Variants in INPP5B observed in about 807,000 individuals in gnomAD.
INPP5B encodes the protein type II inositol 1,4,5-trisphosphate 5-phosphatase.
Under a neutral mutation model 118.5 loss-of-function variants are expected in INPP5B, and 90 were observed. The ratio of observed to expected loss-of-function variants is 0.76; its 90% confidence interval spans 0.64 to 0.90. INPP5B has a LOEUF of 0.90. INPP5B is among the 40% of genes least tolerant of loss of function. The probability of loss-of-function intolerance (pLI) is 0.00; values close to 1 mark genes in which losing one functional copy is unlikely to be tolerated. For missense variants in INPP5B, 984 were observed against 1,125.6 expected, an observed-to-expected ratio of 0.87 and a Z score of 1.80; for synonymous variants, 385 against 418.9, an observed-to-expected ratio of 0.92 and a Z score of 0.99.
chr1:37,880,594 C>T (rs752615130), intron 14 of INPP5B, among the ~76,000 whole-genome samples: 2 of 152,086 alleles, frequency 1.3e-5, no homozygotes, highest in African/African-American at 2.4e-5. Context: ...CATGCCACCA[C>T]GCCTGGCTAA....
chr1:37,883,570 T>C (rs1056824989), intron 13 of INPP5B: 61 of 985,308 alleles, frequency 6.2e-5, no homozygotes, highest in Admixed American at 6.1e-5. Context: ...CCAACAACCA[T>C]GTCATTAGAG....
intron 6 of INPP5B, among the ~76,000 whole-genome samples, chr1:37,939,909 T>G (rs114033772): frequency 2.8e-4 from 43 of 152,272 alleles, no homozygotes; most frequent in South Asian, 2.7e-3. Flanking sequence ...CCTAGCTGTT[T>G]CTTCTGCTTC....
rs529475900 is a variant in INPP5B, at chr1:37,904,892, T to A, written c.533-13438A>T. Among the ~76,000 whole-genome samples the A allele has an allele frequency of 1.1e-4, 16 of 151,122 alleles. No homozygotes were observed. In the East Asian group the frequency reaches 1.4e-3, roughly 13 times the overall value. ...AACTCCATCTCAAAAAAAAAAAAAA[T>A]TTTAAAGGGTTATAAAAGGTTAATG... On this transcript the variant is annotated intron_variant, in intron 7 of 23. Transcript: ENST00000373024.
rs202160540 is a variant in INPP5B at position 37,890,351 on chromosome 1, AG to A, written c.630-628del. ...TGACAAAGTGAGACTCTGTCTCAAA[AG>A]AAAAAAAAAGAAAAAAACTGTAAAA... On this transcript the variant is annotated intron_variant, in intron 8 of 23. Transcript: ENST00000373024. Among the ~76,000 whole-genome samples, 161 of 149,660 alleles carry A rather than the reference AG, an allele frequency of 1.1e-3. 1 individual carries two copies. Among genetic ancestry groups the A allele is most frequent in the Non-Finnish European group, 1.1e-3 (73 of 67,180 alleles).
chr1:37,925,422 A>G (rs1488851866), intron 7 of INPP5B, among the ~76,000 whole-genome samples: 2 of 152,072 alleles, frequency 1.3e-5, no homozygotes, highest in African/African-American at 4.8e-5. Context: ...ATATTTATCT[A>G]TTTAAATTTA....
chr1:37,898,500 CCTGA>C (rs531128381), intron 7 of INPP5B, among the ~76,000 whole-genome samples: 15 of 152,030 alleles, frequency 9.9e-5, no homozygotes, highest in Non-Finnish European at 2.1e-4. Context: ...TCGAGACTAT[CCTGA>C]CTAACACGGT....
intron 23 of INPP5B, among the ~76,000 whole-genome samples, chr1:37,863,590 G>C (rs1641840238): frequency 6.6e-6 from 1 of 151,742 alleles, no homozygotes; most frequent in African/African-American, 2.4e-5. Context: ...TCAGGAGGCC[G>C]AGGCACAAGA....
intron 16 of INPP5B, 37 bp downstream of exon 16, chr1:37,878,151 T>C: frequency 1.2e-6 from 2 of 1,607,686 alleles, no homozygotes; most frequent in African/African-American, 2.7e-5. Context: ...GCCAATTCCC[T>C]CCAGAATGAT....
intron 5 of INPP5B, 136 bp downstream of exon 5, chr1:37,943,504 G>A (rs1458382639): frequency 2.4e-6 from 2 of 837,408 alleles, no homozygotes; most frequent in Non-Finnish European, 3.8e-6. Context: ...ACGGAGATGG[G>A]CTGTGCCAGA....
chr1:37,897,734 A>T lies in INPP5B; in HGVS notation c.533-6280T>A, dbSNP rs28803218. On this transcript the variant is annotated intron_variant, in intron 7 of 23. Transcript: ENST00000373024. The stretch of plus-strand genomic sequence containing the variant: ...GAAACACCCAAGAATGATCAATTAA[A>T]AATAATGATAATAATAATAATAAAA... 4.6e-3 allele frequency among the ~76,000 whole-genome samples: 703 copies of T among 152,038 alleles called. 4 individuals carry two copies. The highest frequency in any genetic ancestry group is 8.3e-3 in the Non-Finnish European group (565 of 67,990).
chr1:37,941,900 T>TGCACTCCA (rs1645930600), intron 5 of INPP5B, among the ~76,000 whole-genome samples: 1 of 97,752 alleles, frequency 1.0e-5, no homozygotes, highest in Non-Finnish European at 2.0e-5. Flanking sequence ...ATCGCGCCAC[T>TGCACTCCA]GCACTCCAGC....
chr1:37,866,631 C>A, intron 20 of INPP5B, 88 bp from the exon 21 acceptor site: 1 of 782,398 alleles, frequency 1.3e-6, no homozygotes. Context: ...TAGCAGAATG[C>A]AAAAAGGAGC....
intron 7 of INPP5B, among the ~76,000 whole-genome samples, chr1:37,908,565 C>T (rs1459299794): frequency 6.6e-6 from 1 of 151,724 alleles, no homozygotes; most frequent in Admixed American, 6.6e-5. Flanking sequence ...TAGCGAGACC[C>T]CGTTCTCCAG....
chr1:37,940,911 C>T lies in INPP5B; in HGVS notation c.281-113G>A, dbSNP rs1041444843. On this transcript the variant is annotated intron_variant, in intron 5 of 23. Transcript: ENST00000373024. ...CCCAGACTCCCAAAGCCCCTTCAGCCCTTAAGCAACTTACTTGGGACAGCT... is the reference window on the plus strand; with the variant it reads ...CCCAGACTCCCAAAGCCCCTTCAGCTCTTAAGCAACTTACTTGGGACAGCT... The T allele has an allele frequency of 9.1e-6, 6 of 661,606 alleles. No individual in the cohort carries two copies. The African/African-American group carries it at 1.1e-4, about 12-fold the overall frequency. 41.0% of individuals were successfully genotyped at this position (661,606 alleles called of 1,614,324 possible). A position where few individuals can be genotyped will look rare whatever the true frequency, so the allele number is the denominator to read the frequency against.
chr1:37,929,044 C>A (rs1034399934), intron 7 of INPP5B: 1 of 152,112 alleles, frequency 6.6e-6, no homozygotes, highest in African/African-American at 2.4e-5. Flanking sequence ...CCATTTCTTA[C>A]CAATTTTAGC....
chr1:37,940,755 G>A lies in INPP5B; in HGVS notation c.324C>T (p.Leu108=), dbSNP rs774109417. 9.9e-6 allele frequency: 16 copies of A among 1,613,942 alleles called. No individual in the cohort carries two copies. Among genetic ancestry groups the A allele is most frequent in the South Asian group, 3.3e-5 (3 of 91,084 alleles). Residue 108 remains leucine, a synonymous_variant, in exon 6 of 24, where the codon CTC becomes CTT. Transcript: ENST00000373024. ...GTGAACCAAAGGGCAGTTGGAATAC[G>A]AGGCTAAGCTCTGCTGTGTCCAGCT... is the stretch of plus-strand genomic sequence containing the variant. ...TVQLDTAELS[L]VFQLPFGSQT...
chr1:37,940,603 G>C, intron 6 of INPP5B, 85 bp downstream of exon 6: 1 of 781,920 alleles, frequency 1.3e-6, no homozygotes, highest in Non-Finnish European at 2.2e-6. Flanking sequence ...TGGGGTAAGA[G>C]TCCAAAGGGT....
intron 7 of INPP5B, among the ~76,000 whole-genome samples, chr1:37,909,493 C>T (rs1200267250): frequency 1.3e-5 from 2 of 152,172 alleles, no homozygotes; most frequent in East Asian, 3.8e-4. Flanking sequence ...GTGGCTGGAG[C>T]TGAAGGCATA....
At chr1:37,911,689 C>T (rs1471720911) in intron 7 of INPP5B, among the ~76,000 whole-genome samples, 1 of 152,184 alleles carries the variant, frequency 6.6e-6, no homozygotes, top group African/African-American at 2.4e-5. Flanking sequence ...CCATATCCTG[C>T]ACCACCATGC....
Sources: gnomAD v4.1 joint callset for allele counts (sites outside exome capture counted in the v4.1 genomes callset) on GRCh38, gnomAD v4.1.1 for gene constraint, MANE v1.5 for transcripts, NCBI Gene and HGNC (gene_info 2026-07-23, HGNC 2026-07-21) for gene names.